KMT2C: variants seen among roughly 807,000 people sequenced by gnomAD.
The protein encoded by KMT2C is histone-lysine N-methyltransferase 2C.
KMT2C carries 88 observed loss-of-function variants against 507.9 expected under a neutral mutation model. The observed-to-expected ratio is 0.17, with a 90% CI of 0.15 to 0.21. KMT2C has a LOEUF of 0.21. KMT2C is among the 10% of genes least tolerant of loss of function. The pLI, the probability that KMT2C is intolerant of heterozygous loss-of-function variation, is 1.00. For synonymous variants in KMT2C, 2,049 were observed against 2,080.8 expected, an observed-to-expected ratio of 0.98 and a Z score of 0.42; for missense variants, 4,954 against 5,957.8, an observed-to-expected ratio of 0.83 and a Z score of 5.55.
At chr7:152,155,569 T>G (rs1431112187) in intron 46 of KMT2C, among the ~76,000 whole-genome samples, 2 of 152,166 alleles carry the variant, frequency 1.3e-5, no homozygotes, top group Non-Finnish European at 2.9e-5. Flanking sequence ...TAAATCACAT[T>G]AATACCCTTT....
intron 34 of KMT2C, among the ~76,000 whole-genome samples, chr7:152,184,929 AT>A (rs1483000726): frequency 6.6e-6 from 1 of 152,020 alleles, no homozygotes; most frequent in Non-Finnish European, 1.5e-5. Context: ...TAATTTTTTC[AT>A]TTTTTATAGA....
chr7:152,392,278 A>G (rs2097505067), intron 1 of KMT2C, among the ~76,000 whole-genome samples: 1 of 152,214 alleles, frequency 6.6e-6, no homozygotes, highest in African/African-American at 2.4e-5. Flanking sequence ...ACCTAACCAC[A>G]GAAATGATCC....
At chr7:152,295,532 A>G (rs1210351914) in intron 6 of KMT2C, among the ~76,000 whole-genome samples, 31 of 152,190 alleles carry the variant, frequency 2.0e-4, no homozygotes, top group Admixed American at 2.0e-3. Context: ...ACCACCTTAA[A>G]TCTTTCCTTC....
intron 1 of KMT2C, among the ~76,000 whole-genome samples, chr7:152,378,852 G>T (rs1042108730): frequency 6.6e-6 from 1 of 152,134 alleles, no homozygotes; most frequent in East Asian, 1.9e-4. Context: ...AGTTTTGGGG[G>T]TGCTGTATCT....
intron 31 of KMT2C, among the ~76,000 whole-genome samples, chr7:152,189,751 T>A (rs2093733870): frequency 6.6e-6 from 1 of 152,210 alleles, no homozygotes; most frequent in East Asian, 1.9e-4. Context: ...GATCAGGTTT[T>A]CACAATGACA....
At position 152,146,790 on chromosome 7, in the gene KMT2C, C is replaced by A. The variant is rs1246619627; in HGVS notation, c.13895-55G>T. Reference sequence around the variant, plus strand: ...AGGAAATAGGATACAGTATAAAAAACAAGAGCAAAATGAAGAATAACCACT... The same window carrying A: ...AGGAAATAGGATACAGTATAAAAAAAAAGAGCAAAATGAAGAATAACCACT... On this transcript the variant is annotated intron_variant, in intron 52 of 58. Coordinates refer to ENST00000262189, the MANE Select transcript of KMT2C (RefSeq NM_170606.3). 4.8e-5 allele frequency: 72 copies of A among 1,502,198 alleles called. No individual in the cohort carries two copies. Among genetic ancestry groups the A allele is most frequent in the Non-Finnish European group, 6.5e-5 (71 of 1,093,016 alleles). 93.1% of individuals were successfully genotyped at this position (1,502,198 alleles called of 1,614,324 possible).
At position 152,224,059 on chromosome 7, in the gene KMT2C, G is replaced by A. The variant is rs1177201529; in HGVS notation, c.3279C>T (p.Asn1093=). The A allele has an allele frequency of 6.2e-7, 1 of 1,611,030 alleles. No homozygotes were observed. Among genetic ancestry groups the A allele is most frequent in the African/African-American group, 1.3e-5 (1 of 74,852 alleles). The part of the protein sequence containing the change: ...SLSSCPVCYR[N]YREEDLILQC... ...GCAGAATAAGATCTTCTTCTCTATA[G>A]TTTCGATAGCAGACTGGACAGGAAG... The change falls in exon 20 of 59, where the codon AAC becomes AAT. Residue 1093 remains asparagine (N), a synonymous_variant. Transcript: ENST00000262189.
intron 1 of KMT2C, among the ~76,000 whole-genome samples, chr7:152,421,612 C>T (rs894734524): frequency 6.6e-6 from 1 of 152,150 alleles, no homozygotes; most frequent in Non-Finnish European, 1.5e-5. Context: ...AGTTGGAGGC[C>T]ATTATTCGTA....
In KMT2C at chr7:152,220,526, G is replaced by T. The variant is rs938655561; in HGVS notation, c.3709C>A (p.Arg1237=). Residue 1237 remains arginine (R), a synonymous_variant, in exon 23 of 59, where the codon CGA becomes AGA. Transcript: ENST00000262189. ...HSRDGEMDDS[R]EGELMDCDGK... ...ATGGAAAATAAATTAGTATTACCTC[G>T]ACTATCATCCATTTCACCATCCCTT... 3.1e-6 allele frequency: 5 copies of T among 1,600,036 alleles called. No individual in the cohort carries two copies. In the African/African-American group the frequency reaches 4.0e-5, roughly 13 times the overall value.
chr7:152,396,745 G>A (rs1010259084), intron 1 of KMT2C, among the ~76,000 whole-genome samples: 1 of 152,190 alleles, frequency 6.6e-6, no homozygotes, highest in Non-Finnish European at 1.5e-5. Flanking sequence ...TCTCCCACCA[G>A]GTATGTTGTT....
chr7:152,135,663 C>T lies in KMT2C; in HGVS notation c.*1169G>A, dbSNP rs2089819063. ...AACTACTTTTGCTGAAGAAAAAATT[C>T]AGCCTCCATTTGGGTGTATTTTTAA... is the stretch of plus-strand genomic sequence containing the variant. On this transcript the variant is annotated 3_prime_UTR_variant, in exon 59 of 59. Coordinates refer to ENST00000262189, the MANE Select transcript of KMT2C (RefSeq NM_170606.3). 8.8e-6 allele frequency: 2 copies of T among 227,214 alleles called. No homozygotes were observed. Among genetic ancestry groups the T allele is most frequent in the Non-Finnish European group, 1.8e-5 (2 of 114,106 alleles). The allele number at this position is 227,214 out of a possible 1,614,324, so 14.1% of individuals were successfully genotyped here. A position where few individuals can be genotyped will look rare whatever the true frequency, so the allele number is the denominator to read the frequency against.
At chr7:152,145,794 G>A (rs923752456) in intron 53 of KMT2C, among the ~76,000 whole-genome samples, 2 of 152,076 alleles carry the variant, frequency 1.3e-5, no homozygotes, top group Admixed American at 6.5e-5. Flanking sequence ...TGAGGTTATC[G>A]CTCTCCATGT....
At position 152,163,356 on chromosome 7, in the gene KMT2C, C is replaced by T. The variant is rs2129104417; in HGVS notation, c.10221G>A (p.Gln3407=). The part of the protein sequence containing the change: ...ERERKERLRE[Q]QERQRIQLMQ... The stretch of plus-strand genomic sequence containing the variant: ...TGAGTTGGATCCGTTGTCTCTCTTG[C>T]TGTTCTCGTAAACGTTCCTTACGTT... Residue 3407 remains glutamine (Q), a synonymous_variant, in exon 43 of 59, where the codon CAG becomes CAA. Coordinates refer to ENST00000262189, the MANE Select transcript of KMT2C (RefSeq NM_170606.3). The T allele has an allele frequency of 6.2e-7, 1 of 1,614,220 alleles. No individual in the cohort carries two copies. Among genetic ancestry groups the T allele is most frequent in the Non-Finnish European group, 8.5e-7 (1 of 1,180,034 alleles).
At position 152,152,747 on chromosome 7, in the gene KMT2C, G is replaced by A. The variant is rs201883770; in HGVS notation, c.12484C>T (p.Arg4162Trp). Residue 4162 changes from arginine to tryptophan, a missense_variant, in exon 49 of 59, where the codon CGG becomes TGG. Coordinates refer to ENST00000262189, the MANE Select transcript of KMT2C (RefSeq NM_170606.3). Reference sequence around the variant, plus strand: ...AATGGTACATTAGGCTGCTTCAGCCGGTAAGAGCTCACTAATCTGGGAGGG... The same window carrying A: ...AATGGTACATTAGGCTGCTTCAGCCAGTAAGAGCTCACTAATCTGGGAGGG... ...ANPPRLVSSY[R>W]LKQPNVPFPP... 25 of 1,614,160 alleles carry A rather than the reference G, an allele frequency of 1.5e-5. No homozygotes were observed. Among genetic ancestry groups the A allele is most frequent in the East Asian group, 8.9e-5 (4 of 44,882 alleles).
intron 1 of KMT2C, among the ~76,000 whole-genome samples, chr7:152,433,108 A>G (rs1394903317): frequency 2.6e-5 from 4 of 151,634 alleles, no homozygotes; most frequent in African/African-American, 9.7e-5. Context: ...AGATCATACC[A>G]CTGCACTACA....
chr7:152,337,503 C>T (rs969607772), intron 2 of KMT2C, among the ~76,000 whole-genome samples: 12 of 152,106 alleles, frequency 7.9e-5, no homozygotes, highest in African/African-American at 2.4e-4. Flanking sequence ...CAAATTGGTT[C>T]TAAGACATGA....
chr7:152,429,093 G>A (rs890261426), intron 1 of KMT2C, among the ~76,000 whole-genome samples: 1 of 151,898 alleles, frequency 6.6e-6, no homozygotes, highest in African/African-American at 2.4e-5. Context: ...ATTCTACTTG[G>A]CTAAATCCCA....
intron 44 of KMT2C, chr7:152,157,967 G>A: frequency 7.9e-7 from 1 of 1,264,026 alleles, no homozygotes; most frequent in Non-Finnish European, 1.0e-6. Flanking sequence ...ATGATAAAAG[G>A]AACTCAGTGT....
At chr7:152,212,514 C>T (rs937055649) in intron 23 of KMT2C, among the ~76,000 whole-genome samples, 4 of 151,918 alleles carry the variant, frequency 2.6e-5, no homozygotes, top group African/African-American at 9.7e-5. Context: ...TATGTAGAAA[C>T]CCCCAAAAAT....
Sources: gnomAD v4.1 joint callset for allele counts (sites outside exome capture counted in the v4.1 genomes callset) on GRCh38, gnomAD v4.1.1 for gene constraint, MANE v1.5 for transcripts, NCBI Gene and HGNC (gene_info 2026-07-23, HGNC 2026-07-21) for gene names.